Variants in GPR137 observed in about 807,000 individuals in gnomAD.
The protein encoded by GPR137 is integral membrane protein GPR137.
In GPR137, 20 loss-of-function variants were observed where a neutral mutation model predicts 38.9. The ratio of observed to expected loss-of-function variants is 0.51; its 90% CI spans 0.36 to 0.75. The LOEUF (loss-of-function observed/expected upper bound fraction) is 0.75, where lower values mean the gene tolerates loss of function less well. GPR137 is among the 30% of genes least tolerant of loss of function. The pLI is 0.00. For missense variants in GPR137, 456 were observed against 526.4 expected (o/e 0.87, Z 1.31); for synonymous variants, 226 against 235.8 (o/e 0.96, Z 0.38).
upstream of GPR137, chr11:64,284,157 C>T (rs2033674881): frequency 1.3e-6 from 2 of 1,546,498 alleles, no homozygotes; most frequent in Non-Finnish European, 8.7e-7. Flanking sequence ...GGTGTCCCGG[C>T]AGGTGGAGGT....
chr11:64,282,239 T>TG (rs1302820500), upstream of GPR137, among the ~76,000 whole-genome samples: 11 of 152,042 alleles, frequency 7.2e-5, no homozygotes, highest in African/African-American at 2.4e-4. Context: ...GCTGAGTGTG[T>TG]GTGGGGGGCA....
At position 64,288,276 on chromosome 11, in the gene GPR137, G is replaced by A; in HGVS notation, c.783+62G>A. ...GTGGCACCTTGGCCCCAGCTGGCCTGGGCCCTGTCCCACTACCCCTTTGGC... is the reference window on the plus strand; with the variant it reads ...GTGGCACCTTGGCCCCAGCTGGCCTAGGCCCTGTCCCACTACCCCTTTGGC... On this transcript the variant is annotated intron_variant, in intron 4 of 6. Coordinates refer to ENST00000438980, the MANE Select transcript of GPR137 (RefSeq NM_001170880.2). The surrounding 1 kb of genome is among the most constrained non-coding windows in gnomAD (Gnocchi z 5.5). The A allele has an allele frequency of 6.2e-7, 1 of 1,611,144 alleles. No homozygotes were observed.
upstream of GPR137, chr11:64,285,585 G>C: frequency 1.0e-6 from 1 of 984,114 alleles, no homozygotes; most frequent in South Asian, 4.7e-5. Flanking sequence ...GAGGAGCGTG[G>C]GAACTGGCGG....
chr11:64,279,560 T>A (rs190389588), upstream of GPR137, among the ~76,000 whole-genome samples: 124 of 150,272 alleles, frequency 8.3e-4, no homozygotes, highest in African/African-American at 2.6e-3. Flanking sequence ...AGGTCAGGAA[T>A]TCGAGACCAG....
chr11:64,285,467 C>A (rs2033856911), upstream of GPR137: 8 of 984,486 alleles, frequency 8.1e-6, no homozygotes, highest in Non-Finnish European at 8.4e-6. Flanking sequence ...GGGGGCGGGG[C>A]CCGGGGGCCA....
Position 64,288,640 on chromosome 11 carries a change from C to T in GPR137, c.950C>T (p.Ser317Phe). The T allele has an allele frequency of 6.2e-7, 1 of 1,610,892 alleles. No homozygotes were observed. Among genetic ancestry groups the T allele is most frequent in the Non-Finnish European group, 8.5e-7 (1 of 1,178,342 alleles). ...ATCCTCAATGGGCAGGTCTTTGCCT[C>T]TCGGTCCTACTTCTTTGACCGGGCT... Reference protein sequence around the residue: ...SHILNGQVFASRSYFFDRAGH... With the variant: ...SHILNGQVFAFRSYFFDRAGH... Residue 317 changes from serine (S) to phenylalanine (F), a missense_variant, in exon 6 of 7, where the codon TCT (serine) becomes TTT (phenylalanine). Transcript: ENST00000438980. This position sits in a 1 kb window ranked among gnomAD's most constrained non-coding sequence, Gnocchi z 5.5.
Position 64,289,059 on chromosome 11 carries a change from G to A in GPR137, c.1054G>A (p.Gly352Arg), listed in dbSNP as rs1225596000. 2 of 1,597,876 alleles carry A rather than the reference G, an allele frequency of 1.3e-6. No individual in the cohort carries two copies. Among genetic ancestry groups the A allele is most frequent in the Non-Finnish European group, 1.7e-6 (2 of 1,174,926 alleles). Reference sequence around the variant, plus strand: ...CAGTATGTCGGGCAGTCTAGGCTCTGGGAGCTGGTATGGTGCCATCGGGCG... The same window carrying A: ...CAGTATGTCGGGCAGTCTAGGCTCTAGGAGCTGGTATGGTGCCATCGGGCG... ...STSMSGSLGS[G>R]SWYGAIGREP... Residue 352 changes from glycine to arginine, a missense_variant, in exon 7 of 7, where the codon GGG becomes AGG. Coordinates refer to ENST00000438980, the MANE Select transcript of GPR137 (RefSeq NM_001170880.2).
In GPR137 at chr11:64,288,757, T is replaced by G; in HGVS notation, c.1031+36T>G. 9 of 686,274 alleles carry G rather than the reference T, an allele frequency of 1.3e-5. No individual in the cohort carries two copies. The highest frequency in any genetic ancestry group is 1.6e-5 in the Non-Finnish European group (7 of 444,286). 42.5% of individuals were successfully genotyped at this position (686,274 alleles called of 1,614,324 possible). On this transcript the variant is annotated intron_variant, in intron 6 of 6. Transcript: ENST00000438980. The surrounding 1 kb of genome is among the most constrained non-coding windows in gnomAD (Gnocchi z 5.5). ...TGGCACTGCCTCAGTACCCCTGCCC[T>G]ACCCGCCCACCCCGCTGGCTCCATC... is the stretch of plus-strand genomic sequence containing the variant.
upstream of GPR137, chr11:64,285,484 C>G: frequency 9.1e-6 from 9 of 984,970 alleles, no homozygotes; most frequent in Non-Finnish European, 1.1e-5. Context: ...GCCATCTTGG[C>G]TATGGGCGGA....
chr11:64,277,380 C>T (rs1205473553), intron 2 of GPR137, among the ~76,000 whole-genome samples: 2 of 152,332 alleles, frequency 1.3e-5, no homozygotes, highest in East Asian at 1.9e-4. Context: ...AGAACACCCC[C>T]AACCTTGCTC....
chr11:64,284,715 C>A, upstream of GPR137: 1 of 1,535,862 alleles, frequency 6.5e-7, no homozygotes, highest in Non-Finnish European at 8.7e-7. Flanking sequence ...GCTTGGGCAA[C>A]GGGAACTGTC....
upstream of GPR137, chr11:64,271,701 G>T (rs1347135529): frequency 2.0e-6 from 3 of 1,468,532 alleles, no homozygotes; most frequent in Non-Finnish European, 2.7e-6. Flanking sequence ...CGCCGAGCGC[G>T]AGCGGCCCCG....
rs1488932917 is a variant in GPR137 at position 64,289,304 on chromosome 11, A to G, written c.*108A>G. On this transcript the variant is annotated 3_prime_UTR_variant, in exon 7 of 7. Transcript: ENST00000438980. Reference sequence around the variant, plus strand: ...GCCCAGGATCCTGGGGGTCGTGGCTACCCCCTCCTCTGGCCGGCTCCTTGC... The same window carrying G: ...GCCCAGGATCCTGGGGGTCGTGGCTGCCCCCTCCTCTGGCCGGCTCCTTGC... The G allele has an allele frequency of 3.7e-6, 6 of 1,609,684 alleles. No homozygotes were observed. In the Admixed American group the frequency reaches 6.7e-5, roughly 18 times the overall value.
chr11:64,285,710 C>G, upstream of GPR137: 1 of 985,346 alleles, frequency 1.0e-6, no homozygotes, highest in Non-Finnish European at 1.2e-6. Flanking sequence ...TAACCCCGGG[C>G]GCCCGCCAGC....
At position 64,286,629 on chromosome 11, in the gene GPR137, C is replaced by T. The variant is rs2034098954; in HGVS notation, c.105C>T (p.Ala35=). 2 of 1,614,064 alleles carry T rather than the reference C, an allele frequency of 1.2e-6. No individual in the cohort carries two copies. Among genetic ancestry groups the T allele is most frequent in the South Asian group, 2.2e-5 (2 of 91,088 alleles). Residue 35 remains alanine, a synonymous_variant, in exon 1 of 7, where the codon GCC becomes GCT. Coordinates refer to ENST00000438980, the MANE Select transcript of GPR137 (RefSeq NM_001170880.2). ...GLTAAYTTLY[A]LLFFSVYAQL... is the part of the protein sequence containing the mutation. ...CAGCTGCCTACACCACCCTGTATGCCCTGCTCTTCTTCTCCGTCTATGCCC... is the reference window on the plus strand; with the variant it reads ...CAGCTGCCTACACCACCCTGTATGCTCTGCTCTTCTTCTCCGTCTATGCCC...
chr11:64,282,703 C>G (rs1428569180), upstream of GPR137, among the ~76,000 whole-genome samples: 1 of 151,578 alleles, frequency 6.6e-6, no homozygotes, highest in East Asian at 1.9e-4. Flanking sequence ...CACGGTGAAA[C>G]CCCATCTCTA....
rs752991889 is a variant in GPR137 at position 64,286,649 on chromosome 11, A to T, written c.125A>T (p.Tyr42Phe). The T allele has an allele frequency of 1.9e-6, 3 of 1,613,866 alleles. No homozygotes were observed. The highest frequency in any genetic ancestry group is 2.5e-6 in the Non-Finnish European group (3 of 1,179,970). ...TLYALLFFSV[Y>F]AQLWLVLLYG... ...TATGCCCTGCTCTTCTTCTCCGTCT[A>T]TGCCCAGCTCTGGCTGGTGCTTCTG... The change falls in exon 1 of 7, where the codon TAT (tyrosine) becomes TTT (phenylalanine). Residue 42 changes from tyrosine to phenylalanine, a missense_variant. By Grantham distance (22) the Tyr-to-Phe change is conservative. Coordinates refer to ENST00000438980, the MANE Select transcript of GPR137 (RefSeq NM_001170880.2).
chr11:64,285,042 C>T, upstream of GPR137: 1 of 1,168,148 alleles, frequency 8.6e-7, no homozygotes, highest in Non-Finnish European at 1.1e-6. Flanking sequence ...CCAGTGAAAA[C>T]TTTGTGAAGG....
chr11:64,280,769 G>C (rs2033415119), upstream of GPR137, among the ~76,000 whole-genome samples: 4 of 151,790 alleles, frequency 2.6e-5, no homozygotes, highest in South Asian at 8.3e-4. Flanking sequence ...CTGGGTTCAA[G>C]TGATTCTCCT....
Sources: gnomAD v4.1 joint callset for allele counts (sites outside exome capture counted in the v4.1 genomes callset) on GRCh38, gnomAD v4.1.1 for gene constraint, Gnocchi (gnomAD v3.1) non-coding constraint, MANE v1.5 for transcripts, NCBI Gene and HGNC (gene_info 2026-07-23, HGNC 2026-07-21) for gene names.